Variants in MYZAP observed in about 807,000 individuals in gnomAD.
MYZAP encodes the protein myocardial zonula adherens protein, also known as GRINL1A complex locus upstream.
In MYZAP, 66 loss-of-function variants were observed where a neutral mutation model predicts 69.4. The observed-to-expected ratio is 0.95, with a 90% CI of 0.78 to 1.17. The LOEUF (loss-of-function observed/expected upper bound fraction) is 1.17. Ranked by LOEUF, MYZAP falls within the 50% of genes most tolerant of loss-of-function variation. MYZAP has a pLI of 0.00. For synonymous variants in MYZAP, 256 were observed against 205.9 expected (o/e 1.24, Z -2.09); for missense variants, 611 against 556.2 (o/e 1.10, Z -0.99).
intron 12 of MYZAP, among the ~76,000 whole-genome samples, chr15:57,680,327 A>G (rs1419358320): frequency 1.3e-5 from 2 of 151,674 alleles, no homozygotes; most frequent in Non-Finnish European, 2.9e-5. Context: ...TGTCTAATCT[A>G]CTCAGTACCA....
rs114787523 is a variant in MYZAP, at chr15:57,595,716, C to G, written c.75+3607C>G. ...ACCTTGCTCTCTTGATAATAAAAGACTGTTGGCTGGTGTTGCTGCTATCGT... is the reference window on the plus strand; with the variant it reads ...ACCTTGCTCTCTTGATAATAAAAGAGTGTTGGCTGGTGTTGCTGCTATCGT... On this transcript the variant is annotated intron_variant, in intron 1 of 12. Transcript: ENST00000267853. Among the ~76,000 whole-genome samples, 1,500 of 152,288 alleles carry G rather than the reference C, an allele frequency of 9.8e-3. 26 individuals are homozygous for G. The highest frequency in any genetic ancestry group is 0.033 in the African/African-American group (1,382 of 41,560).
At chr15:57,662,550 C>A (rs2038363502) in intron 11 of MYZAP, among the ~76,000 whole-genome samples, 1 of 152,104 alleles carries the variant, frequency 6.6e-6, no homozygotes, top group South Asian at 2.1e-4. Flanking sequence ...AAGGAGGGAT[C>A]ATAACTGTGC....
At chr15:57,651,091 A>G (rs2140506189) in intron 10 of MYZAP, among the ~76,000 whole-genome samples, 1 of 152,208 alleles carries the variant, frequency 6.6e-6, no homozygotes, top group South Asian at 2.1e-4. Context: ...AGGAGGGGAG[A>G]GGAGCACGGA....
In MYZAP at chr15:57,669,308, G is replaced by A. The variant is rs1259879695; in HGVS notation, c.1204-5660G>A. ...CAAGGTCACAAATATGTTCTCCTGTGATTTCCCCTAAGAATTTTATGGTTT... is the reference window on the plus strand; with the variant it reads ...CAAGGTCACAAATATGTTCTCCTGTAATTTCCCCTAAGAATTTTATGGTTT... On this transcript the variant is annotated intron_variant, in intron 11 of 12. Transcript: ENST00000267853. 3.3e-5 allele frequency among the ~76,000 whole-genome samples: 5 copies of A among 152,196 alleles called. No homozygotes were observed. In the East Asian group the frequency reaches 9.6e-4, roughly 29 times the overall value.
chr15:57,637,812 G>A, intron 9 of MYZAP, 38 bp downstream of exon 9: 1 of 1,577,090 alleles, frequency 6.3e-7, no homozygotes, highest in Non-Finnish European at 8.6e-7. Flanking sequence ...ATGGATTTAG[G>A]TTGTGGACAC....
chr15:57,647,756 C>T, intron 10 of MYZAP: 1 of 985,424 alleles, frequency 1.0e-6, no homozygotes, highest in Non-Finnish European at 1.2e-6. Flanking sequence ...GCCCTGGGTC[C>T]TAGGCTCATT....
intron 10 of MYZAP, among the ~76,000 whole-genome samples, chr15:57,658,424 T>A (rs375076111): frequency 8.5e-5 from 13 of 152,348 alleles, no homozygotes; most frequent in African/African-American, 2.9e-4. Flanking sequence ...AAAGTGTCTT[T>A]TCTTCTGATG....
intron 10 of MYZAP, among the ~76,000 whole-genome samples, chr15:57,643,018 A>G (rs2037248270): frequency 6.6e-6 from 1 of 152,136 alleles, no homozygotes; most frequent in Non-Finnish European, 1.5e-5. Flanking sequence ...AGGGCTTTCT[A>G]CTGAATTAAG....
rs750377365 is a variant in MYZAP, at chr15:57,639,577, A to G, written c.1119+32A>G. 3.7e-6 allele frequency: 6 copies of G among 1,603,368 alleles called. No homozygotes were observed. The East Asian group carries it at 6.7e-5, about 18-fold the overall frequency. The stretch of plus-strand genomic sequence containing the variant: ...ATCTGCAAAAGGTCACAGGCCTGGG[A>G]TTGCTTCCTGTGGTGGGGAAGCATC... On this transcript the variant is annotated intron_variant, in intron 10 of 12. Transcript: ENST00000267853.
intron 8 of MYZAP, among the ~76,000 whole-genome samples, chr15:57,637,035 C>G (rs1417478026): frequency 6.6e-6 from 1 of 152,216 alleles, no homozygotes; most frequent in Non-Finnish European, 1.5e-5. Flanking sequence ...CCTGCAGCTT[C>G]AGAGGCAGTA....
At chr15:57,614,676 T>C (rs1205437532) in intron 2 of MYZAP, among the ~76,000 whole-genome samples, 1 of 152,184 alleles carries the variant, frequency 6.6e-6, no homozygotes, top group Non-Finnish European at 1.5e-5. Context: ...CAAATGGCCC[T>C]GGGACCTGAG....
chr15:57,641,606 C>A (rs1045701149), intron 10 of MYZAP, among the ~76,000 whole-genome samples: 16 of 152,130 alleles, frequency 1.1e-4, no homozygotes, highest in African/African-American at 3.9e-4. Context: ...TTAGCACCCC[C>A]TAGGGGCTGG....
intron 12 of MYZAP, 33 bp downstream of exon 12, chr15:57,675,101 T>A: frequency 6.5e-7 from 1 of 1,542,220 alleles, no homozygotes; most frequent in Non-Finnish European, 8.9e-7. Context: ...TTTTTTTTAT[T>A]CAAATTCCTC....
chr15:57,629,088 C>CAAAAAAA (rs1274144448), intron 5 of MYZAP, among the ~76,000 whole-genome samples: 139 of 114,882 alleles, frequency 1.2e-3, no homozygotes, highest in Non-Finnish European at 1.4e-3. Context: ...GTCTCAAAAA[C>CAAAAAAA]AAAAAAAAAA....
At position 57,620,908 on chromosome 15, in the gene MYZAP, A is replaced by G. The variant is rs1000661822; in HGVS notation, c.319-700A>G. ...TGAGGGTGATAGGTGAATTTCAACA[A>G]ACCATTTTTTCTTCAGAGTTTATTT... On this transcript the variant is annotated intron_variant, in intron 3 of 12. Transcript: ENST00000267853. 3.3e-5 allele frequency among the ~76,000 whole-genome samples: 5 copies of G among 151,800 alleles called. No homozygotes were observed. The East Asian group carries it at 9.6e-4, about 29-fold the overall frequency.
intron 12 of MYZAP, among the ~76,000 whole-genome samples, chr15:57,679,548 A>G (rs1416628127): frequency 1.3e-5 from 2 of 151,982 alleles, no homozygotes; most frequent in South Asian, 2.1e-4. Flanking sequence ...GCATTTGACA[A>G]TCCTTCCTAA....
intron 12 of MYZAP, among the ~76,000 whole-genome samples, chr15:57,676,077 A>G (rs1204005513): frequency 1.3e-5 from 2 of 152,146 alleles, no homozygotes; most frequent in East Asian, 3.9e-4. Context: ...CCTACCAGCC[A>G]GCAGCAGGAT....
intron 1 of MYZAP, among the ~76,000 whole-genome samples, chr15:57,593,188 G>GCGCGCGCGCACACACACACACA (rs1555454573): frequency 3.5e-5 from 4 of 114,152 alleles, no homozygotes; most frequent in African/African-American, 1.3e-4. Context: ...GTACACAGGC[G>GCGCGCGCGCACACACACACACA]CACACACACA....
chr15:57,654,178 A>G (rs200622610), intron 10 of MYZAP, among the ~76,000 whole-genome samples: 2 of 152,220 alleles, frequency 1.3e-5, no homozygotes, highest in East Asian at 3.9e-4. Flanking sequence ...CCTCAGCCTA[A>G]TGGCCTCCCA....
Sources: allele counts gnomAD v4.1 joint callset (sites outside exome capture counted in the v4.1 genomes callset), GRCh38; gene constraint gnomAD v4.1.1; transcripts MANE v1.5; gene names NCBI Gene and HGNC (gene_info 2026-07-23, HGNC 2026-07-21).